CLMP: variants seen among roughly 807,000 people sequenced by gnomAD.
CLMP encodes CXADR like cell adhesion molecule, also known as CXADR-like membrane protein.
In CLMP, 27 loss-of-function variants were observed where a neutral mutation model predicts 45.2. The ratio of observed to expected loss-of-function variants is 0.60; its 90% confidence interval spans 0.44 to 0.82. CLMP has a LOEUF of 0.82. CLMP is among the 40% of genes least tolerant of loss of function. The pLI is 0.00. For missense variants in CLMP, 403 were observed against 448.4 expected (o/e 0.90, Z 0.91); for synonymous variants, 167 against 171.4 (o/e 0.97, Z 0.20).
At chr11:123,183,564 C>G (rs1054232700) in intron 1 of CLMP, among the ~76,000 whole-genome samples, 2 of 152,268 alleles carry the variant, frequency 1.3e-5, no homozygotes, top group African/African-American at 4.8e-5. Flanking sequence ...AGATACTCTA[C>G]TACTAGGGTG....
chr11:123,168,817 C>A (rs1861592949), intron 1 of CLMP, among the ~76,000 whole-genome samples: 1 of 152,146 alleles, frequency 6.6e-6, no homozygotes, highest in African/African-American at 2.4e-5. Flanking sequence ...GATTAGGAGT[C>A]CTTTAAGAAT....
chr11:123,118,971 T>C (rs188402690), intron 1 of CLMP, among the ~76,000 whole-genome samples: 151 of 45,678 alleles, frequency 3.3e-3, no homozygotes, highest in African/African-American at 7.2e-3. Flanking sequence ...CTTTCTTTCT[T>C]TCTTTCTTTC....
chr11:123,192,677 T>G (rs1489399683), intron 1 of CLMP, among the ~76,000 whole-genome samples: 2 of 151,972 alleles, frequency 1.3e-5, no homozygotes, highest in Non-Finnish European at 2.9e-5. Flanking sequence ...ATCAGAGAGG[T>G]GGGTTATTTG....
At chr11:123,120,026 T>C (rs1003156379) in intron 1 of CLMP, among the ~76,000 whole-genome samples, 69 of 152,182 alleles carry the variant, frequency 4.5e-4, no homozygotes, top group African/African-American at 1.3e-3. Flanking sequence ...AAAATTTTAC[T>C]ATGATGGGTT....
At chr11:123,153,746 G>A (rs554058045) in intron 1 of CLMP, among the ~76,000 whole-genome samples, 2 of 151,794 alleles carry the variant, frequency 1.3e-5, no homozygotes, top group African/African-American at 2.4e-5. Context: ...GCAGTGGCAC[G>A]ATCTCAGCTC....
chr11:123,108,392 T>C (rs1290254772), intron 1 of CLMP, among the ~76,000 whole-genome samples: 1 of 152,160 alleles, frequency 6.6e-6, no homozygotes. Context: ...TGGGAGTCAA[T>C]ACAGTGCCTA....
At position 123,140,710 on chromosome 11, in the gene CLMP, G is replaced by A. The variant is rs931608305; in HGVS notation, c.29-42758C>T. On this transcript the variant is annotated intron_variant, in intron 1 of 6. Transcript: ENST00000448775. The stretch of plus-strand genomic sequence containing the variant: ...GAATTCCTTGCTGTGGGAGGGTTTC[G>A]TGCATTGTGGGATGTATAACAGCGT... Among the ~76,000 whole-genome samples the A allele has an allele frequency of 6.6e-5, 10 of 152,106 alleles. No homozygotes were observed. In the South Asian group the frequency reaches 8.3e-4, roughly 13 times the overall value.
intron 1 of CLMP, among the ~76,000 whole-genome samples, chr11:123,139,270 G>A (rs1162894650): frequency 6.6e-6 from 1 of 151,780 alleles, no homozygotes; most frequent in Non-Finnish European, 1.5e-5. Flanking sequence ...CTATTGAATT[G>A]AAAACTATTC....
intron 1 of CLMP, among the ~76,000 whole-genome samples, chr11:123,140,211 T>C (rs185187923): frequency 5.2e-4 from 79 of 152,312 alleles, no homozygotes; most frequent in Non-Finnish European, 6.0e-4. Context: ...AGCGTAGTTA[T>C]CTGGGTCGCT....
intron 1 of CLMP, among the ~76,000 whole-genome samples, chr11:123,147,407 C>T (rs1175625958): frequency 2.6e-5 from 4 of 152,204 alleles, no homozygotes; most frequent in Admixed American, 2.6e-4. Context: ...TCAGAGGTCA[C>T]ATCCTCCAAT....
At chr11:123,169,076 G>A (rs1861595978) in intron 1 of CLMP, among the ~76,000 whole-genome samples, 1 of 152,170 alleles carries the variant, frequency 6.6e-6, no homozygotes, top group Non-Finnish European at 1.5e-5. Context: ...TTTGCACTCT[G>A]AAAATGAGGT....
intron 1 of CLMP, among the ~76,000 whole-genome samples, chr11:123,129,338 A>ATATATAAAATATATCATATGATATAT (rs1339531041): frequency 2.1e-5 from 3 of 145,006 alleles, no homozygotes; most frequent in Admixed American, 7.2e-5. Context: ...TAATATACAT[A>ATATATAAAATATATCATATGATATAT]TATATAAAAT....
intron 1 of CLMP, among the ~76,000 whole-genome samples, chr11:123,166,273 T>C (rs543496831): frequency 6.6e-6 from 1 of 152,160 alleles, no homozygotes; most frequent in Admixed American, 6.5e-5. Flanking sequence ...TCCAGGTGCC[T>C]CTTCTCCAGC....
intron 1 of CLMP, among the ~76,000 whole-genome samples, chr11:123,127,514 T>G (rs1416710627): frequency 1.3e-5 from 2 of 152,186 alleles, no homozygotes; most frequent in Non-Finnish European, 2.9e-5. Context: ...TTGTTCCACA[T>G]TTAAAAGCCA....
chr11:123,136,518 G>A, intron 1 of CLMP: 1 of 184,584 alleles, frequency 5.4e-6, no homozygotes, highest in Non-Finnish European at 1.0e-5. Flanking sequence ...TCTCTCCAGT[G>A]TAATATTTCA....
At chr11:123,188,405 C>CCTTCCTCCTCCTCTTCCTCCTCCT (rs146814009) in intron 1 of CLMP, among the ~76,000 whole-genome samples, 3 of 149,360 alleles carry the variant, frequency 2.0e-5, no homozygotes, top group Non-Finnish European at 4.4e-5. Context: ...AGTCTCTGTG[C>CCTTCCTCCTCCTCTTCCTCCTCCT]CTTCCTCCTC....
At chr11:123,147,410 C>T (rs1358753977) in intron 1 of CLMP, among the ~76,000 whole-genome samples, 1 of 152,200 alleles carries the variant, frequency 6.6e-6, no homozygotes, top group African/African-American at 2.4e-5. Context: ...GAGGTCACAT[C>T]CTCCAATGAG....
At chr11:123,086,510 T>C (rs11218966) in intron 2 of CLMP, among the ~76,000 whole-genome samples, 21,898 of 152,222 alleles carry the variant, frequency 0.14, 1,615 homozygotes, top group African/African-American at 0.16. Flanking sequence ...TGATCACGTG[T>C]TGCTCCACAG....
intron 1 of CLMP, among the ~76,000 whole-genome samples, chr11:123,106,591 G>T (rs950123494): frequency 1.3e-5 from 2 of 152,118 alleles, no homozygotes; most frequent in African/African-American, 4.8e-5. Context: ...GCTCCAAGTT[G>T]TTTACTTTTC....
Sources: allele counts gnomAD v4.1 joint callset (sites outside exome capture counted in the v4.1 genomes callset), GRCh38; gene constraint gnomAD v4.1.1; transcripts MANE v1.5; gene names NCBI Gene and HGNC (gene_info 2026-07-23, HGNC 2026-07-21).